Variants in CDK14 observed in about 807,000 individuals in gnomAD.
The protein encoded by CDK14 is cyclin dependent kinase 14.
CDK14 carries 34 observed loss-of-function variants against 60.7 expected under a neutral mutation model. The observed-to-expected ratio is 0.56, with a 90% CI of 0.43 to 0.75. CDK14 has a LOEUF of 0.75. CDK14 is among the 30% of genes least tolerant of loss of function. The pLI, the probability that CDK14 is intolerant of heterozygous loss-of-function variation, is 0.00. For synonymous variants in CDK14, 197 were observed against 203.7 expected, an observed-to-expected ratio of 0.97 and a Z score of 0.28; for missense variants, 482 against 564.1, an observed-to-expected ratio of 0.85 and a Z score of 1.47.
chr7:90,984,144 C>T lies in CDK14; in HGVS notation c.948-4C>T. ...TTTGTAACGATTCTTTCTTCTCTCT[C>T]TAGGGGAGTAGGTTGCATCTTTGTT... On this transcript the variant is annotated splice_polypyrimidine_tract_variant and splice_region_variant and intron_variant, in intron 9 of 14. Transcript: ENST00000380050. 1 of 1,587,384 alleles carries T rather than the reference C, an allele frequency of 6.3e-7. No individual in the cohort carries two copies. Among genetic ancestry groups the T allele is most frequent in the Non-Finnish European group, 8.7e-7 (1 of 1,155,774 alleles).
chr7:90,664,489 C>T (rs531281854), intron 2 of CDK14, among the ~76,000 whole-genome samples: 6 of 152,258 alleles, frequency 3.9e-5, no homozygotes, highest in South Asian at 4.1e-4. Flanking sequence ...CACATGGGCA[C>T]GTATGTTTAT....
intron 6 of CDK14, among the ~76,000 whole-genome samples, chr7:90,871,482 A>G (rs1419392576): frequency 1.3e-5 from 2 of 152,164 alleles, no homozygotes; most frequent in Non-Finnish European, 2.9e-5. Flanking sequence ...TAGTGTATAT[A>G]TTCTAGATGG....
chr7:90,865,322 A>G (rs1791141607), intron 6 of CDK14, among the ~76,000 whole-genome samples: 7 of 150,488 alleles, frequency 4.7e-5, no homozygotes, highest in Admixed American at 4.0e-4. Context: ...CGATTAGTCT[A>G]TTTGGCAATT....
At chr7:90,825,398 T>C (rs984427595) in intron 5 of CDK14, among the ~76,000 whole-genome samples, 1 of 152,222 alleles carries the variant, frequency 6.6e-6, no homozygotes, top group Non-Finnish European at 1.5e-5. Flanking sequence ...AGGAGAGTTA[T>C]ACTCATTTGC....
At chr7:90,996,161 G>T (rs1046645212) in intron 10 of CDK14, among the ~76,000 whole-genome samples, 1 of 152,098 alleles carries the variant, frequency 6.6e-6, no homozygotes, top group Admixed American at 6.5e-5. Flanking sequence ...ACTATTATTA[G>T]AATTGCATAC....
At chr7:90,953,098 T>G (rs1794310172) in intron 8 of CDK14, among the ~76,000 whole-genome samples, 1 of 152,160 alleles carries the variant, frequency 6.6e-6, no homozygotes, top group South Asian at 2.1e-4. Flanking sequence ...CTGAAAAGTT[T>G]TGGGATTTTC....
chr7:91,202,744 G>A (rs1021103988), intron 14 of CDK14, among the ~76,000 whole-genome samples: 12 of 152,346 alleles, frequency 7.9e-5, no homozygotes, highest in Admixed American at 7.2e-4. Flanking sequence ...GCCATTCGGA[G>A]TCATCTCACA....
chr7:90,841,013 G>T (rs1029209941), intron 5 of CDK14, among the ~76,000 whole-genome samples: 1 of 152,158 alleles, frequency 6.6e-6, no homozygotes, highest in Admixed American at 6.6e-5. Context: ...AATAGAAAAA[G>T]AAATGGGAGG....
At chr7:90,828,215 G>C (rs1353670939) in intron 5 of CDK14, among the ~76,000 whole-genome samples, 3 of 152,056 alleles carry the variant, frequency 2.0e-5, no homozygotes. Flanking sequence ...CTCATCTCTG[G>C]AAGTGGTGTT....
chr7:90,914,566 C>T (rs1447626508), intron 7 of CDK14, among the ~76,000 whole-genome samples: 1 of 152,082 alleles, frequency 6.6e-6, no homozygotes, highest in Non-Finnish European at 1.5e-5. Flanking sequence ...TTTGTTCTTA[C>T]ATTTGTTTGG....
At chr7:90,752,452 T>G (rs935244082) in intron 4 of CDK14, among the ~76,000 whole-genome samples, 1 of 152,042 alleles carries the variant, frequency 6.6e-6, no homozygotes, top group African/African-American at 2.4e-5. Flanking sequence ...AGTCAAAAAA[T>G]TCTTAGACAT....
intron 12 of CDK14, among the ~76,000 whole-genome samples, chr7:91,103,237 A>T (rs1443145371): frequency 6.6e-6 from 1 of 151,972 alleles, no homozygotes; most frequent in Non-Finnish European, 1.5e-5. Flanking sequence ...TGGGCAGCAG[A>T]GCAATACTCT....
chr7:91,093,608 A>G (rs1268882382), intron 12 of CDK14, among the ~76,000 whole-genome samples: 3 of 152,140 alleles, frequency 2.0e-5, no homozygotes, highest in Non-Finnish European at 4.4e-5. Context: ...GTACCTCACC[A>G]TTATCTTATT....
chr7:91,033,924 G>A (rs2115954230), intron 10 of CDK14, among the ~76,000 whole-genome samples: 1 of 152,196 alleles, frequency 6.6e-6, no homozygotes, highest in Non-Finnish European at 1.5e-5. Context: ...AGAGAGACAG[G>A]GAATATAAAA....
At chr7:91,200,341 G>A (rs933856972) in intron 14 of CDK14, among the ~76,000 whole-genome samples, 10 of 152,160 alleles carry the variant, frequency 6.6e-5, no homozygotes, top group African/African-American at 2.2e-4. Context: ...AGGTGCTTAG[G>A]GTTTAACAAC....
intron 14 of CDK14, among the ~76,000 whole-genome samples, chr7:91,183,729 A>G (rs1344409455): frequency 6.6e-6 from 1 of 152,168 alleles, no homozygotes; most frequent in East Asian, 1.9e-4. Flanking sequence ...CCTCTGTTTT[A>G]ATTTCAATAC....
intron 4 of CDK14, among the ~76,000 whole-genome samples, chr7:90,764,247 G>T (rs1325482759): frequency 2.0e-5 from 3 of 152,158 alleles, no homozygotes; most frequent in Non-Finnish European, 2.9e-5. Flanking sequence ...TGATTTTTGT[G>T]AAATAGGAAC....
chr7:91,018,228 C>G (rs566321189), intron 10 of CDK14, among the ~76,000 whole-genome samples: 9 of 152,146 alleles, frequency 5.9e-5, no homozygotes, highest in Non-Finnish European at 1.3e-4. Context: ...CTTCTTCTTC[C>G]TCTTCCATTT....
chr7:90,955,879 A>C, intron 9 of CDK14, 62 bp downstream of exon 9: 1 of 1,580,286 alleles, frequency 6.3e-7, no homozygotes, highest in South Asian at 1.1e-5. Context: ...GGTCAAGCCT[A>C]GACAAACATC....
Sources: allele counts gnomAD v4.1 joint callset (sites outside exome capture counted in the v4.1 genomes callset), GRCh38; gene constraint gnomAD v4.1.1; transcripts MANE v1.5; gene names NCBI Gene and HGNC (gene_info 2026-07-23, HGNC 2026-07-21).